SNTB1: variants seen among roughly 807,000 people sequenced by gnomAD.
SNTB1 encodes the protein beta-1-syntrophin.
A neutral mutation model predicts 48.9 loss-of-function variants in SNTB1; 36 were observed. The ratio of observed to expected loss-of-function variants is 0.74; its 90% CI spans 0.56 to 0.97. SNTB1 has a LOEUF of 0.97. Among genes scored for constraint, SNTB1 ranks in the 50% least tolerant of loss-of-function variants. The probability of loss-of-function intolerance (pLI) is 0.00; values close to 1 mark genes in which losing one functional copy is unlikely to be tolerated. For missense variants in SNTB1, 786 were observed against 703.4 expected (o/e 1.12, Z -1.33); for synonymous variants, 299 against 294.6 (o/e 1.01, Z -0.15).
chr8:120,707,039 A>T (rs547185692), intron 1 of SNTB1, among the ~76,000 whole-genome samples: 24 of 152,312 alleles, frequency 1.6e-4, no homozygotes, highest in African/African-American at 5.5e-4. Context: ...GAAACATCAG[A>T]GTCTGGCAGA....
At chr8:120,650,973 C>G (rs1339841756) in intron 2 of SNTB1, among the ~76,000 whole-genome samples, 2 of 152,112 alleles carry the variant, frequency 1.3e-5, no homozygotes, top group Admixed American at 6.5e-5. Flanking sequence ...ACTCCCTAAG[C>G]CTCGATTTCT....
At position 120,764,128 on chromosome 8, in the gene SNTB1, C is replaced by T. The variant is rs189836275; in HGVS notation, c.571+47145G>A. Among the ~76,000 whole-genome samples, 139 of 152,236 alleles carry T rather than the reference C, an allele frequency of 9.1e-4. 1 individual carries two copies. The highest frequency in any genetic ancestry group is 3.2e-3 in the African/African-American group (133 of 41,538). On this transcript the variant is annotated intron_variant, in intron 1 of 6. Coordinates refer to ENST00000517992, the MANE Select transcript of SNTB1 (RefSeq NM_021021.4). ...AAAATGACATATTTCCAAGGTTATT[C>T]ATTATAGTCTTACTTATAGCGCAAA...
At chr8:120,782,694 C>A (rs1346027034) in intron 1 of SNTB1, among the ~76,000 whole-genome samples, 1 of 152,052 alleles carries the variant, frequency 6.6e-6, no homozygotes, top group Admixed American at 6.6e-5. Context: ...TAAAAACATT[C>A]ACCTAACAGA....
At chr8:120,648,993 C>G (rs1587061982) in intron 2 of SNTB1, among the ~76,000 whole-genome samples, 3 of 150,006 alleles carry the variant, frequency 2.0e-5, no homozygotes, top group African/African-American at 7.3e-5. Flanking sequence ...TCACGTAGTT[C>G]TCGAGCCTTG....
intron 3 of SNTB1, among the ~76,000 whole-genome samples, chr8:120,586,443 C>T (rs886205663): frequency 9.9e-5 from 15 of 152,134 alleles, no homozygotes; most frequent in Non-Finnish European, 2.1e-4. Flanking sequence ...CCTTTTCCTG[C>T]TTCCGGGTCC....
At chr8:120,650,968 C>A (rs1277767206) in intron 2 of SNTB1, among the ~76,000 whole-genome samples, 1 of 152,174 alleles carries the variant, frequency 6.6e-6, no homozygotes, top group Admixed American at 6.5e-5. Context: ...CTTAAACTCC[C>A]TAAGCCTCGA....
intron 2 of SNTB1, chr8:120,637,058 A>G (rs1000062366): frequency 2.7e-6 from 1 of 374,944 alleles, no homozygotes; most frequent in Non-Finnish European, 5.2e-6. Flanking sequence ...CATTTCTGAT[A>G]TCAATTTCAG....
At chr8:120,795,620 G>T (rs1379382891) in intron 1 of SNTB1, among the ~76,000 whole-genome samples, 3 of 151,980 alleles carry the variant, frequency 2.0e-5, no homozygotes, top group African/African-American at 7.2e-5. Context: ...CCTACAGTGG[G>T]TGTTGGTTTC....
intron 1 of SNTB1, among the ~76,000 whole-genome samples, chr8:120,744,419 G>GCC (rs1346149520): frequency 6.6e-6 from 1 of 152,064 alleles, no homozygotes; most frequent in African/African-American, 2.4e-5. Flanking sequence ...ATTTGTCTTA[G>GCC]CCCCTCTACC....
At chr8:120,615,409 C>A (rs1311616362) in intron 3 of SNTB1, among the ~76,000 whole-genome samples, 1 of 152,124 alleles carries the variant, frequency 6.6e-6, no homozygotes, top group Non-Finnish European at 1.5e-5. Flanking sequence ...GGCATCAGCT[C>A]AACAGCACAC....
At chr8:120,668,555 A>G (rs1817710806) in intron 2 of SNTB1, among the ~76,000 whole-genome samples, 1 of 152,184 alleles carries the variant, frequency 6.6e-6, no homozygotes, top group South Asian at 2.1e-4. Context: ...GTTGAAAGGT[A>G]TTTATTGGGC....
rs1815217876 is a variant in SNTB1, at chr8:120,537,335, G to A, written c.*1542C>T. 1 of 152,108 alleles carries A rather than the reference G, an allele frequency of 6.6e-6. No homozygotes were observed. The highest frequency in any genetic ancestry group is 2.4e-5 in the African/African-American group (1 of 41,422). 9.4% of individuals were successfully genotyped at this position (152,108 alleles called of 1,614,324 possible). ...ATTTTTCAGCTCAGTATTTAGTAAA[G>A]TGTATTAACAAACCCCTGTCTCCCC... On this transcript the variant is annotated 3_prime_UTR_variant, in exon 7 of 7. Transcript: ENST00000517992.
rs558340333 is a variant in SNTB1, at chr8:120,715,132, T to C, written c.572-21224A>G. On this transcript the variant is annotated intron_variant, in intron 1 of 6. Transcript: ENST00000517992. ...ACTTCCCCTTATTTTCATTCTCCTC[T>C]ACATGCACAGCTCCATTTCCTTCAA... Among the ~76,000 whole-genome samples, 29 of 152,370 alleles carry C rather than the reference T, an allele frequency of 1.9e-4. No homozygotes were observed. The South Asian group carries it at 4.8e-3, about 25-fold the overall frequency.
At chr8:120,731,362 C>G (rs766459907) in intron 1 of SNTB1, among the ~76,000 whole-genome samples, 2 of 152,068 alleles carry the variant, frequency 1.3e-5, no homozygotes, top group Admixed American at 1.3e-4. Flanking sequence ...AGGAAACACA[C>G]GTGTTCTGTA....
intron 2 of SNTB1, among the ~76,000 whole-genome samples, chr8:120,659,460 C>G (rs982039102): frequency 6.6e-6 from 1 of 152,178 alleles, no homozygotes; most frequent in Admixed American, 6.5e-5. Context: ...TTTTAGTTCT[C>G]TTGCTATTTC....
chr8:120,748,644 T>A (rs1819164268), intron 1 of SNTB1, among the ~76,000 whole-genome samples: 1 of 152,228 alleles, frequency 6.6e-6, no homozygotes. Context: ...TCAAGGCAGA[T>A]AATTCCAAAG....
At position 120,811,609 on chromosome 8, in the gene SNTB1, C is replaced by T. The variant is rs988169659; in HGVS notation, c.235G>A (p.Ala79Thr). 2 of 1,581,762 alleles carry T rather than the reference C, an allele frequency of 1.3e-6. No individual in the cohort carries two copies. Residue 79 changes from alanine to threonine, a missense_variant, in exon 1 of 7, where the codon GCG becomes ACG. Transcript: ENST00000517992. ...CRGAGAGHPG[A>T]GGAQPPDSPA... is the part of the protein sequence containing the mutation. ...GAGTCCGGGGGCTGCGCGCCGCCCGCGCCCGGGTGCCCAGCCCCGGCGCCC... is the reference window on the plus strand; with the variant it reads ...GAGTCCGGGGGCTGCGCGCCGCCCGTGCCCGGGTGCCCAGCCCCGGCGCCC...
chr8:120,611,715 G>A (rs973396315), intron 3 of SNTB1, among the ~76,000 whole-genome samples: 4 of 151,382 alleles, frequency 2.6e-5, no homozygotes, highest in African/African-American at 9.7e-5. Flanking sequence ...CCAGCTACTC[G>A]GGAGGCTGAG....
chr8:120,757,817 CAGAA>C (rs1819343215), intron 1 of SNTB1, among the ~76,000 whole-genome samples: 1 of 152,064 alleles, frequency 6.6e-6, no homozygotes, highest in Admixed American at 6.6e-5. Context: ...ACTTAAGAAA[CAGAA>C]AGAAGACATC....
Sources: gnomAD v4.1 joint callset for allele counts (sites outside exome capture counted in the v4.1 genomes callset) on GRCh38, gnomAD v4.1.1 for gene constraint, MANE v1.5 for transcripts, NCBI Gene and HGNC (gene_info 2026-07-23, HGNC 2026-07-21) for gene names.